ERVK3-1: variants seen among roughly 807,000 people sequenced by gnomAD.
The protein encoded by ERVK3-1 is HERV-K(HML6-1).
At chr19:58,314,515 TA>T (rs1341508669) in intron 3 of ERVK3-1, among the ~76,000 whole-genome samples, 16 of 149,078 alleles carry the variant, frequency 1.1e-4, no homozygotes, top group Non-Finnish European at 2.4e-4. Flanking sequence ...TAGTCCCAGC[TA>T]ATCAGGAGGC....
rs886746508 is a variant in ERVK3-1 at position 58,312,483 on chromosome 19, G to C, written c.294+21G>C. On this transcript the variant is annotated intron_variant, in intron 3 of 3. Transcript: ENST00000413518. The surrounding 1 kb of genome is among the most constrained non-coding windows in gnomAD (Gnocchi z 4.7). ...GTGCGGTATGTTTCCCCTGTGTAGAGGCAAAAACATATTGGGCATATGTTC... is the reference window on the plus strand; with the variant it reads ...GTGCGGTATGTTTCCCCTGTGTAGACGCAAAAACATATTGGGCATATGTTC... The C allele has an allele frequency of 2.5e-6, 1 of 399,786 alleles. No homozygotes were observed. The highest frequency in any genetic ancestry group is 4.4e-5 in the Admixed American group (1 of 22,710). The allele number at this position is 399,786 out of a possible 1,614,324, so 24.8% of individuals were successfully genotyped here.
chr19:58,314,809 T>A, exon 4 of ERVK3-1: 3 of 400,106 alleles, frequency 7.5e-6, no homozygotes, highest in Non-Finnish European at 1.3e-5. Flanking sequence ...AAATTACCTT[T>A]ATTCAATTAA....
intron 1 of ERVK3-1, among the ~76,000 whole-genome samples, chr19:58,305,738 C>A (rs541303854): frequency 6.6e-5 from 10 of 152,238 alleles, no homozygotes; most frequent in South Asian, 4.1e-4. Flanking sequence ...ATGAGCAAAC[C>A]GCAAACTGTT....
Position 58,313,861 on chromosome 19 carries a change from C to CT in ERVK3-1, c.295-885dup, listed in dbSNP as rs1331856348. On this transcript the variant is annotated intron_variant, in intron 3 of 3. Transcript: ENST00000413518. This position sits in a 1 kb window ranked among gnomAD's most constrained non-coding sequence, Gnocchi z 4.5. ...AGCTCACTCATCGTGCACGTAAAGC[C>CT]TTAAACATAGTAATTTTTACTGTAA... Among the ~76,000 whole-genome samples, 15 of 152,176 alleles carry CT rather than the reference C, an allele frequency of 9.9e-5. No homozygotes were observed. The highest frequency in any genetic ancestry group is 3.4e-4 in the African/African-American group (14 of 41,428).
chr19:58,305,933 T>C (rs942467337), intron 1 of ERVK3-1, among the ~76,000 whole-genome samples, 155 bp from the exon 2 acceptor site: 16 of 152,304 alleles, frequency 1.1e-4, no homozygotes, highest in Admixed American at 2.6e-4. Context: ...TCAGTTACCC[T>C]TTCCTCCCTA....
At chr19:58,306,688 GAAAT>G (rs2051525972) in intron 2 of ERVK3-1, 1 of 152,176 alleles carries the variant, frequency 6.6e-6, no homozygotes, top group South Asian at 2.1e-4. Context: ...TCCAGTAGCA[GAAAT>G]AGAGACCCCA....
At chr19:58,307,323 C>T (rs1043001779) in intron 2 of ERVK3-1, among the ~76,000 whole-genome samples, 3 of 152,218 alleles carry the variant, frequency 2.0e-5, no homozygotes, top group African/African-American at 4.8e-5. Flanking sequence ...TACTTTGACC[C>T]TAGCTTTTGA....
intron 1 of ERVK3-1, 71 bp from the exon 2 acceptor site, chr19:58,306,017 A>G (rs2051520890): frequency 6.6e-6 from 1 of 151,988 alleles, no homozygotes; most frequent in African/African-American, 2.4e-5. Flanking sequence ...GAGCCCCCTG[A>G]CCCCTTCTTT....
intron 2 of ERVK3-1, among the ~76,000 whole-genome samples, chr19:58,308,657 G>T (rs1036960084): frequency 1.3e-5 from 2 of 152,098 alleles, no homozygotes; most frequent in Admixed American, 6.6e-5. Flanking sequence ...ATAGGAAAGG[G>T]CTAGGTCATC....
At position 58,313,367 on chromosome 19, in the gene ERVK3-1, A is replaced by C. The variant is rs1252088006; in HGVS notation, c.294+905A>C. ...AGTGGCGCAATCTCGGGTCACTGCA[A>C]CCTTTGCCTCCCGGGTTCAAGCAAT... On this transcript the variant is annotated intron_variant, in intron 3 of 3. Coordinates refer to ENST00000413518, the Ensembl canonical transcript of ERVK3-1. The surrounding 1 kb of genome is among the most constrained non-coding windows in gnomAD (Gnocchi z 4.5). Among the ~76,000 whole-genome samples the C allele has an allele frequency of 1.3e-5, 2 of 152,108 alleles. No individual in the cohort carries two copies. The highest frequency in any genetic ancestry group is 6.5e-5 in the Admixed American group (1 of 15,276).
chr19:58,307,026 G>A (rs979884535), intron 2 of ERVK3-1, among the ~76,000 whole-genome samples: 3 of 152,198 alleles, frequency 2.0e-5, no homozygotes, highest in Non-Finnish European at 2.9e-5. Context: ...GTGCAGACCA[G>A]GCTAGACAGA....
rs975188220 is a variant in ERVK3-1, at chr19:58,312,711, AGGCAT to A, written c.294+252_294+256del. ...TGCAGCTGTCTTGCAGTCCAATCTC[AGGCAT>A]GGTTAAGTCACCATGGAAAAATTAT... On this transcript the variant is annotated intron_variant, in intron 3 of 3. Transcript: ENST00000413518. This position sits in a 1 kb window ranked among gnomAD's most constrained non-coding sequence, Gnocchi z 4.7. Among the ~76,000 whole-genome samples the A allele has an allele frequency of 6.6e-6, 1 of 152,138 alleles. No individual in the cohort carries two copies. The highest frequency in any genetic ancestry group is 2.4e-5 in the African/African-American group (1 of 41,420).
chr19:58,314,453 C>A (rs911169543), intron 3 of ERVK3-1, among the ~76,000 whole-genome samples: 4 of 152,002 alleles, frequency 2.6e-5, no homozygotes, highest in Admixed American at 2.6e-4. Context: ...AGTGAAACCC[C>A]ATCTCTACTA....
intron 2 of ERVK3-1, chr19:58,311,076 T>G (rs959190282): frequency 1.3e-5 from 2 of 154,764 alleles, no homozygotes; most frequent in Non-Finnish European, 1.4e-5. Flanking sequence ...CAAGGATTAT[T>G]GTAATATTGG....
downstream of ERVK3-1, among the ~76,000 whole-genome samples, chr19:58,316,675 C>A (rs566826554): frequency 2.0e-5 from 3 of 152,198 alleles, no homozygotes; most frequent in African/African-American, 4.8e-5. Context: ...GTCTCAAAAA[C>A]CAAACAAAAA....
intron 3 of ERVK3-1, 77 bp from the exon 4 acceptor site, chr19:58,314,671 C>G: frequency 2.9e-6 from 1 of 348,406 alleles, no homozygotes; most frequent in Non-Finnish European, 5.1e-6. Flanking sequence ...TTGGACCTAC[C>G]TTAAACATAA....
intron 1 of ERVK3-1, among the ~76,000 whole-genome samples, chr19:58,305,724 C>A (rs376919160): frequency 3.3e-5 from 5 of 152,156 alleles, no homozygotes; most frequent in East Asian, 3.8e-4. Flanking sequence ...CCACTGGAGG[C>A]TCTATGAGCA....
downstream of ERVK3-1, among the ~76,000 whole-genome samples, chr19:58,316,082 T>C (rs2051590960): frequency 6.6e-6 from 1 of 152,040 alleles, no homozygotes; most frequent in Non-Finnish European, 1.5e-5. Flanking sequence ...AGGTAGATGG[T>C]GGGGTGGCAG....
chr19:58,309,062 A>G (rs1271353548), intron 2 of ERVK3-1: 47 of 152,188 alleles, frequency 3.1e-4, no homozygotes. Flanking sequence ...ACAAGCCTCA[A>G]TTCGCCTTCT....
Sources: gnomAD v4.1 joint callset for allele counts (sites outside exome capture counted in the v4.1 genomes callset) on GRCh38, gnomAD v4.1.1 for gene constraint, Gnocchi (gnomAD v3.1) non-coding constraint, MANE v1.5 for transcripts, NCBI Gene and HGNC (gene_info 2026-07-23, HGNC 2026-07-21) for gene names.